The following ATP8A1 variants were observed in gnomAD, a reference collection of about 807,000 sequenced individuals.
The protein encoded by ATP8A1 is phospholipid-transporting ATPase IA.
ATP8A1 carries 90 observed loss-of-function variants against 177.7 expected under a neutral mutation model. The ratio of observed to expected loss-of-function variants is 0.51; its 90% CI spans 0.43 to 0.60. The LOEUF is 0.60. ATP8A1 is among the 20% of genes least tolerant of loss of function. The pLI is 0.00. For synonymous variants in ATP8A1, 493 were observed against 485.9 expected (o/e 1.01, Z -0.19); for missense variants, 1,072 against 1,392.8 (o/e 0.77, Z 3.67).
chr4:42,615,840 A>C (rs41265703), intron 5 of ATP8A1, among the ~76,000 whole-genome samples, 193 bp downstream of exon 5: 1 of 152,356 alleles, frequency 6.6e-6, no homozygotes, highest in African/African-American at 2.4e-5. Context: ...TTTCAAAAGT[A>C]TTATCACTAT....
Position 42,579,940 on chromosome 4 carries a change from T to C in ATP8A1, c.873A>G (p.Glu291=), listed in dbSNP as rs755764711. The C allele has an allele frequency of 3.1e-6, 5 of 1,611,614 alleles. 1 individual carries two copies. In the South Asian group the frequency reaches 4.4e-5, roughly 14 times the overall value. The change falls in exon 11 of 37, where the codon GAA becomes GAG. Residue 291 remains glutamate, a synonymous_variant. Transcript: ENST00000381668. The part of the protein sequence containing the change: ...TSPPLKLSNV[E]RITNVQILIL... Reference sequence around the variant, plus strand: ...TCAAAATTTGTACATTTGTAATCCGTTCCACATTTGAGAGCTTAAGTGGTG... The same window carrying C: ...TCAAAATTTGTACATTTGTAATCCGCTCCACATTTGAGAGCTTAAGTGGTG...
At chr4:42,553,464 C>T (rs1729716170) in intron 16 of ATP8A1, among the ~76,000 whole-genome samples, 1 of 152,090 alleles carries the variant, frequency 6.6e-6, no homozygotes, top group Non-Finnish European at 1.5e-5. Flanking sequence ...ACTCTTACAG[C>T]CTGAGAAGAC....
chr4:42,414,172 T>C (rs1209412771), intron 36 of ATP8A1, among the ~76,000 whole-genome samples: 2 of 152,242 alleles, frequency 1.3e-5, no homozygotes, highest in Non-Finnish European at 2.9e-5. Flanking sequence ...CTTTTTTAGA[T>C]CTTGAAATGT....
chr4:42,522,654 G>A (rs1307747939), intron 21 of ATP8A1, among the ~76,000 whole-genome samples: 2 of 152,202 alleles, frequency 1.3e-5, no homozygotes, highest in Admixed American at 1.3e-4. Context: ...GTTTCATCAG[G>A]TGCCTTCACT....
rs367696386 is a variant in ATP8A1 at position 42,408,602 on chromosome 4, A to G, written c.*4314T>C. 2.0e-4 allele frequency: 30 copies of G among 152,320 alleles called. No individual in the cohort carries two copies. The highest frequency in any genetic ancestry group is 5.3e-4 in the African/African-American group (22 of 41,580). 9.4% of individuals were successfully genotyped at this position (152,320 alleles called of 1,614,324 possible). A position where few individuals can be genotyped will look rare whatever the true frequency, so the allele number is the denominator to read the frequency against. ...CAGATTCAATACTCTCCACTCATGC[A>G]GCTTCACAATTTCTACAGCAGTTTC... On this transcript the variant is annotated 3_prime_UTR_variant, in exon 37 of 37. Transcript: ENST00000381668.
chr4:42,561,882 T>A (rs1730872882), intron 15 of ATP8A1: 1 of 152,240 alleles, frequency 6.6e-6, no homozygotes, highest in Non-Finnish European at 1.5e-5. Context: ...TGCCCTCCTG[T>A]GCAATTCCAT....
intron 24 of ATP8A1, among the ~76,000 whole-genome samples, chr4:42,500,452 A>G (rs1328028425): frequency 2.0e-5 from 3 of 152,248 alleles, no homozygotes; most frequent in Non-Finnish European, 2.9e-5. Context: ...CAGAACTCCT[A>G]GTAAAGTAGT....
chr4:42,622,477 T>C (rs576920656), intron 4 of ATP8A1, among the ~76,000 whole-genome samples: 1 of 152,088 alleles, frequency 6.6e-6, no homozygotes, highest in South Asian at 2.1e-4. Flanking sequence ...ATTCAGGACA[T>C]AGGCATGGGC....
chr4:42,588,386 T>C (rs1408682238), intron 7 of ATP8A1, 57 bp from the exon 8 acceptor site: 3 of 1,410,304 alleles, frequency 2.1e-6, no homozygotes, highest in African/African-American at 2.8e-5. Flanking sequence ...AGCATAATAA[T>C]AACTTATTTA....
chr4:42,616,585 T>C (rs1198275542), intron 4 of ATP8A1, among the ~76,000 whole-genome samples: 3 of 152,198 alleles, frequency 2.0e-5, no homozygotes, highest in Non-Finnish European at 4.4e-5. Context: ...GCCAATGACT[T>C]GAACCAACGA....
At chr4:42,556,504 A>C (rs1459534381) in intron 15 of ATP8A1, among the ~76,000 whole-genome samples, 1 of 152,164 alleles carries the variant, frequency 6.6e-6, no homozygotes, top group Non-Finnish European at 1.5e-5. Context: ...AAGAACATGA[A>C]TAAACCATTT....
chr4:42,551,460 A>C lies in ATP8A1; in HGVS notation c.1520-180T>G, dbSNP rs142348566. Among the ~76,000 whole-genome samples the C allele has an allele frequency of 4.2e-3, 636 of 152,342 alleles. 3 individuals are homozygous for C. Among genetic ancestry groups the C allele is most frequent in the African/African-American group, 0.015 (605 of 41,576 alleles). ...ACAATTCCAAAGAAATGAGGATAAT[A>C]ATCTTAAGTGTTGGAGACACATACA... On this transcript the variant is annotated intron_variant, in intron 17 of 36. Transcript: ENST00000381668.
intron 6 of ATP8A1, among the ~76,000 whole-genome samples, chr4:42,591,744 C>T (rs1232446213): frequency 6.6e-6 from 1 of 151,936 alleles, no homozygotes; most frequent in Non-Finnish European, 1.5e-5. Context: ...AAAATGAAAG[C>T]CTACGAAACA....
chr4:42,625,539 C>A lies in ATP8A1; in HGVS notation c.264+75G>T, dbSNP rs1737971824. 5.3e-5 allele frequency: 52 copies of A among 977,470 alleles called. No individual in the cohort carries two copies. The South Asian group carries it at 1.1e-3, about 20-fold the overall frequency. 60.5% of individuals were successfully genotyped at this position (977,470 alleles called of 1,614,324 possible). On this transcript the variant is annotated intron_variant, in intron 3 of 36. Transcript: ENST00000381668. ...GCTTATCTCTCGGCATTTACATAAA[C>A]CTCAGGGGATTGGTCACGGGCTTAA...
At chr4:42,607,822 C>T (rs35487523) in intron 5 of ATP8A1, among the ~76,000 whole-genome samples, 26,012 of 148,714 alleles carry the variant, frequency 0.17, 2,292 homozygotes, top group East Asian at 0.27. Flanking sequence ...TGACATTCCT[C>T]CAATATATGG....
intron 25 of ATP8A1, among the ~76,000 whole-genome samples, chr4:42,485,124 G>A (rs1722062621): frequency 6.6e-6 from 1 of 152,128 alleles, no homozygotes; most frequent in African/African-American, 2.4e-5. Flanking sequence ...AAATGATTCA[G>A]TTTGCATCTT....
chr4:42,547,074 G>GT (rs2153208607), intron 19 of ATP8A1, among the ~76,000 whole-genome samples: 1 of 152,216 alleles, frequency 6.6e-6, no homozygotes, highest in East Asian at 1.9e-4. Context: ...TTTCTCTTTT[G>GT]TTTCAGGCCC....
intron 25 of ATP8A1, among the ~76,000 whole-genome samples, chr4:42,472,747 CAAAAA>C (rs11315234): frequency 3.2e-4 from 35 of 111,018 alleles, no homozygotes; most frequent in African/African-American, 1.3e-3. Flanking sequence ...GAGACTGTCT[CAAAAA>C]AAAAAAAAAA....
At chr4:42,512,596 T>C (rs879425921) in intron 22 of ATP8A1, among the ~76,000 whole-genome samples, 1 of 152,254 alleles carries the variant, frequency 6.6e-6, no homozygotes, top group East Asian at 1.9e-4. Flanking sequence ...TGCCTCGTTT[T>C]CTAACTGTAC....
Sources: gnomAD v4.1 joint callset for allele counts (sites outside exome capture counted in the v4.1 genomes callset) on GRCh38, gnomAD v4.1.1 for gene constraint, MANE v1.5 for transcripts, NCBI Gene and HGNC (gene_info 2026-07-23, HGNC 2026-07-21) for gene names.